The following CORO2B variants were observed in gnomAD, a reference collection of about 807,000 sequenced individuals.
CORO2B encodes the protein coronin-2B.
A neutral mutation model predicts 58.8 loss-of-function variants in CORO2B; 26 were observed. The observed-to-expected ratio is 0.44, with a 90% confidence interval of 0.32 to 0.61. The LOEUF is 0.61. Among genes scored for constraint, CORO2B ranks in the 20% least tolerant of loss-of-function variants. CORO2B has a pLI of 0.04. For synonymous variants in CORO2B, 242 were observed against 253.8 expected (o/e 0.95, Z 0.44); for missense variants, 460 against 645.1 (o/e 0.71, Z 3.11).
intron 1 of CORO2B, among the ~76,000 whole-genome samples, chr15:68,611,701 T>C (rs1291944447): frequency 6.6e-6 from 1 of 152,174 alleles, no homozygotes; most frequent in Non-Finnish European, 1.5e-5. Flanking sequence ...TAATAGTTTA[T>C]TTTATGAACA....
chr15:68,667,092 A>G (rs1454971569), intron 2 of CORO2B, among the ~76,000 whole-genome samples: 1 of 151,476 alleles, frequency 6.6e-6, no homozygotes. Flanking sequence ...CTTCACTCTC[A>G]TGCTCCCCCA....
At chr15:68,607,853 C>T (rs1900163091) in intron 1 of CORO2B, among the ~76,000 whole-genome samples, 1 of 151,590 alleles carries the variant, frequency 6.6e-6, no homozygotes, top group Admixed American at 6.6e-5. Context: ...TCTTAGCTCT[C>T]ATTTTTCACT....
the CORO2B span, among the ~76,000 whole-genome samples, chr15:68,559,830 A>C: frequency 2.0e-5 from 3 of 152,216 alleles, no homozygotes; most frequent in Non-Finnish European, 4.4e-5. This position sits in a 1 kb window ranked among gnomAD's most constrained non-coding sequence, Gnocchi z 4.3. Context: ...CAGGACCAGC[A>C]GGTCTCCCGC....
At chr15:68,595,122 T>G (rs540034410) in intron 1 of CORO2B, among the ~76,000 whole-genome samples, 1 of 152,350 alleles carries the variant, frequency 6.6e-6, no homozygotes, top group East Asian at 1.9e-4. Context: ...GTCCCAACTC[T>G]GCAGCATTCG....
At chr15:68,527,679 G>A in the CORO2B span, among the ~76,000 whole-genome samples, 2 of 152,030 alleles carry the variant, frequency 1.3e-5, no homozygotes, top group Non-Finnish European at 2.9e-5. Context: ...TTTACACTAA[G>A]CTTGACAATT....
At chr15:68,520,935 G>C in the CORO2B span, among the ~76,000 whole-genome samples, 1 of 152,140 alleles carries the variant, frequency 6.6e-6, no homozygotes, top group Non-Finnish European at 1.5e-5. Context: ...TGTAATCCCA[G>C]CTACTTGGGA....
At chr15:68,720,701 A>G (rs953733285) in intron 11 of CORO2B, among the ~76,000 whole-genome samples, 3 of 152,170 alleles carry the variant, frequency 2.0e-5, no homozygotes, top group African/African-American at 4.8e-5. Context: ...TGAGCAGAAG[A>G]GCAAGAGAGG....
the CORO2B span, among the ~76,000 whole-genome samples, chr15:68,545,160 G>GC: frequency 6.6e-6 from 1 of 152,200 alleles, no homozygotes; most frequent in Non-Finnish European, 1.5e-5. Context: ...ACTCCTCTGA[G>GC]AGTGACACAC....
At chr15:68,624,270 T>C (rs564920528) in intron 1 of CORO2B, among the ~76,000 whole-genome samples, 4 of 152,270 alleles carry the variant, frequency 2.6e-5, no homozygotes, top group Admixed American at 2.0e-4. Flanking sequence ...TCCCAGCTGC[T>C]CGGGAGGCTG....
upstream of CORO2B, among the ~76,000 whole-genome samples, chr15:68,576,005 T>C (rs917455964): frequency 6.6e-6 from 1 of 150,766 alleles, no homozygotes; most frequent in African/African-American, 2.4e-5. Flanking sequence ...ATACAAAAAT[T>C]AGTCAGGTGG....
At chr15:68,551,172 G>C in the CORO2B span, among the ~76,000 whole-genome samples, 2 of 152,198 alleles carry the variant, frequency 1.3e-5, no homozygotes, top group Middle Eastern at 3.4e-3. Context: ...GCAGACAGGG[G>C]TGCCGTGGGG....
At chr15:68,669,597 A>C (rs1268413943) in intron 2 of CORO2B, among the ~76,000 whole-genome samples, 1 of 152,164 alleles carries the variant, frequency 6.6e-6, no homozygotes, top group Non-Finnish European at 1.5e-5. Flanking sequence ...CGTTGAGCTC[A>C]ATGGGCAATG....
chr15:68,632,006 T>C (rs982235817), intron 1 of CORO2B: 1 of 985,304 alleles, frequency 1.0e-6, no homozygotes, highest in African/African-American at 1.7e-5. Context: ...TGTTGACCTT[T>C]AGTAATGAGG....
Position 68,715,202 on chromosome 15 carries a change from C to A in CORO2B, c.871-13C>A. Reference sequence around the variant, plus strand: ...CCTGCCACCTTCCTCAACTCCATCTCTCCTGACCCCAGGGTGATGGAAACA... The same window carrying A: ...CCTGCCACCTTCCTCAACTCCATCTATCCTGACCCCAGGGTGATGGAAACA... On this transcript the variant is annotated splice_polypyrimidine_tract_variant and intron_variant, in intron 7 of 11. Coordinates refer to ENST00000261861, the MANE Select transcript of CORO2B (RefSeq NM_006091.5). 1.2e-6 allele frequency: 2 copies of A among 1,613,104 alleles called. No homozygotes were observed. The highest frequency in any genetic ancestry group is 1.7e-6 in the Non-Finnish European group (2 of 1,179,130).
intron 2 of CORO2B, among the ~76,000 whole-genome samples, chr15:68,666,122 G>C (rs1018944186): frequency 2.6e-5 from 4 of 152,196 alleles, no homozygotes. Flanking sequence ...ACACCACCTA[G>C]ATTAATGGTA....
chr15:68,597,038 G>T (rs1412603723), intron 1 of CORO2B, among the ~76,000 whole-genome samples: 1 of 151,994 alleles, frequency 6.6e-6, no homozygotes, highest in South Asian at 2.1e-4. Context: ...GCCTCACCTC[G>T]AGTCCAACCT....
intron 2 of CORO2B, among the ~76,000 whole-genome samples, chr15:68,674,223 ACGATGCTGCCCTCTG>A (rs1902497650): frequency 6.6e-6 from 1 of 152,174 alleles, no homozygotes; most frequent in African/African-American, 2.4e-5. Context: ...CTGCTTGGCC[ACGATGCTGCCCTCTG>A]GCTAGGCGAG....
chr15:68,701,346 C>T (rs1596025141), intron 3 of CORO2B, among the ~76,000 whole-genome samples: 1 of 151,454 alleles, frequency 6.6e-6, no homozygotes, highest in African/African-American at 2.4e-5. Context: ...GAGGCTCGCT[C>T]TGTCGCCCAG....
chr15:68,660,949 C>T (rs897671291), intron 2 of CORO2B, among the ~76,000 whole-genome samples: 1 of 150,714 alleles, frequency 6.6e-6, no homozygotes, highest in Admixed American at 6.6e-5. Context: ...CTTTTCCATA[C>T]AGTACCATGT....
Sources: gnomAD v4.1 joint callset for allele counts (sites outside exome capture counted in the v4.1 genomes callset) on GRCh38, gnomAD v4.1.1 for gene constraint, Gnocchi (gnomAD v3.1) non-coding constraint, MANE v1.5 for transcripts, NCBI Gene and HGNC (gene_info 2026-07-23, HGNC 2026-07-21) for gene names.